RIMS1: variants seen among roughly 807,000 people sequenced by gnomAD.
RIMS1 encodes regulating synaptic membrane exocytosis protein 1.
Under a neutral mutation model 214.1 loss-of-function variants are expected in RIMS1, and 83 were observed. That is an observed-to-expected ratio of 0.39 (90% CI 0.32 to 0.47). The LOEUF is 0.47. Among genes scored for constraint, RIMS1 ranks in the 20% least tolerant of loss-of-function variants. RIMS1 has a pLI of 0.99. For synonymous variants in RIMS1, 793 were observed against 786.8 expected, an observed-to-expected ratio of 1.01 and a Z score of -0.13; for missense variants, 2,050 against 2,161.8, an observed-to-expected ratio of 0.95 and a Z score of 1.03.
intron 6 of RIMS1, among the ~76,000 whole-genome samples, chr6:72,214,924 T>C (rs1200654056): frequency 6.6e-6 from 1 of 152,188 alleles, no homozygotes; most frequent in African/African-American, 2.4e-5. Flanking sequence ...GGTTTCACCA[T>C]GTTGGCCAGG....
intron 29 of RIMS1, among the ~76,000 whole-genome samples, chr6:72,378,698 G>A (rs951311548): frequency 6.6e-6 from 1 of 152,154 alleles, no homozygotes; most frequent in African/African-American, 2.4e-5. Context: ...AATTAGCCAG[G>A]CGTGGTGGCA....
Position 72,250,369 on chromosome 6 carries a change from G to A in RIMS1, c.2281G>A (p.Val761Ile), listed in dbSNP as rs1299208863. 6.2e-7 allele frequency: 1 copy of A among 1,610,084 alleles called. No individual in the cohort carries two copies. The highest frequency in any genetic ancestry group is 2.2e-5 in the East Asian group (1 of 44,570). Residue 761 changes from valine to isoleucine, a missense_variant, in exon 13 of 34, where the codon GTA becomes ATA. Around this residue, in one of 6 missense-constraint regions of RIMS1, gnomAD observed 889 missense variants for 885.5 expected, o/e 1.00. Transcript: ENST00000521978. ...WYDKVGHQLI[V>I]NVLQATDLPA... Reference sequence around the variant, plus strand: ...TGATAAAGTGGGACACCAGCTGATTGTAAATGTTCTGCAAGCAACAGATCT... The same window carrying A: ...TGATAAAGTGGGACACCAGCTGATTATAAATGTTCTGCAAGCAACAGATCT...
intron 1 of RIMS1, among the ~76,000 whole-genome samples, chr6:71,952,087 C>T (rs1421000494): frequency 6.6e-6 from 1 of 152,094 alleles, no homozygotes; most frequent in Non-Finnish European, 1.5e-5. Context: ...CTGACCCTGA[C>T]TTACAATGTC....
In RIMS1 at chr6:72,027,942, G is replaced by A. The variant is rs564131516; in HGVS notation, c.245+58879G>A. Among the ~76,000 whole-genome samples, 20 of 152,080 alleles carry A rather than the reference G, an allele frequency of 1.3e-4. No individual in the cohort carries two copies. The South Asian group carries it at 2.1e-3, about 16-fold the overall frequency. ...GGCATTAAGTATATTGGAGACATCCGTTTTCATTTCCATGTATATTTGTTT... is the reference window on the plus strand; with the variant it reads ...GGCATTAAGTATATTGGAGACATCCATTTTCATTTCCATGTATATTTGTTT... On this transcript the variant is annotated intron_variant, in intron 2 of 33. Transcript: ENST00000521978.
At chr6:72,162,036 G>A (rs751472089) in intron 4 of RIMS1, among the ~76,000 whole-genome samples, 1 of 140,530 alleles carries the variant, frequency 7.1e-6, no homozygotes, top group African/African-American at 2.5e-5. Flanking sequence ...CTCTTTGTAG[G>A]TGTCTAAGGA....
chr6:72,154,671 T>A (rs1196046633), intron 4 of RIMS1, among the ~76,000 whole-genome samples: 1 of 140,304 alleles, frequency 7.1e-6, no homozygotes, highest in African/African-American at 2.5e-5. Flanking sequence ...CAGCACATCA[T>A]CAAAGCAAGA....
chr6:72,038,078 T>C (rs1378479440), intron 2 of RIMS1, among the ~76,000 whole-genome samples: 2 of 94,960 alleles, frequency 2.1e-5, no homozygotes, highest in Non-Finnish European at 4.0e-5. Context: ...AGTTCTCTGT[T>C]GAACAAACAA....
chr6:72,327,589 A>G (rs947119343), intron 28 of RIMS1, among the ~76,000 whole-genome samples: 7 of 151,790 alleles, frequency 4.6e-5, no homozygotes, highest in Admixed American at 4.0e-4. Context: ...TTAAAGTGCC[A>G]TCATATTTTC....
chr6:72,254,874 A>G (rs1381132546), intron 16 of RIMS1, among the ~76,000 whole-genome samples: 1 of 152,180 alleles, frequency 6.6e-6, no homozygotes, highest in Non-Finnish European at 1.5e-5. Context: ...GCAAACATGC[A>G]TAATCTCTGT....
chr6:72,267,435 A>G (rs1479835936), intron 22 of RIMS1, among the ~76,000 whole-genome samples: 1 of 152,188 alleles, frequency 6.6e-6, no homozygotes, highest in Non-Finnish European at 1.5e-5. Context: ...GCAAGCTGAT[A>G]CTTTAATATT....
chr6:72,297,092 A>G (rs1405600859), intron 26 of RIMS1, among the ~76,000 whole-genome samples: 2 of 151,984 alleles, frequency 1.3e-5, no homozygotes, highest in Non-Finnish European at 2.9e-5. Flanking sequence ...ATTTATATTC[A>G]GGCACTATAC....
Position 72,008,851 on chromosome 6 carries a change from T to G in RIMS1, c.245+39788T>G, listed in dbSNP as rs540397431. On this transcript the variant is annotated intron_variant, in intron 2 of 33. Transcript: ENST00000521978. ...AGTCCTTAGAGACCTACAAAGAGAC[T>G]TAGACTCCCACACAATAATAATGGG... 5.8e-4 allele frequency among the ~76,000 whole-genome samples: 89 copies of G among 152,228 alleles called. 4 individuals are homozygous for G. The East Asian group carries it at 0.016, about 28-fold the overall frequency.
intron 17 of RIMS1, 83 bp downstream of exon 17, chr6:72,258,364 T>G: frequency 7.6e-7 from 1 of 1,313,540 alleles, no homozygotes; most frequent in Non-Finnish European, 1.0e-6. Context: ...CTAACTGAAA[T>G]GAAAAAATAG....
rs145669262 is a variant in RIMS1, at chr6:72,014,762, G to C, written c.245+45699G>C. ...CCACATCCTTGCCTTGTCATTATCA[G>C]TGATCTTGATTTTAGCTATCTTAGT... is the stretch of plus-strand genomic sequence containing the variant. On this transcript the variant is annotated intron_variant, in intron 2 of 33. Coordinates refer to ENST00000521978, the MANE Select transcript of RIMS1 (RefSeq NM_014989.7). Among the ~76,000 whole-genome samples, 51 of 152,238 alleles carry C rather than the reference G, an allele frequency of 3.4e-4. No homozygotes were observed. The East Asian group carries it at 6.4e-3, about 19-fold the overall frequency.
At chr6:71,950,627 G>A (rs1561951199) in intron 1 of RIMS1, among the ~76,000 whole-genome samples, 1 of 152,146 alleles carries the variant, frequency 6.6e-6, no homozygotes, top group Non-Finnish European at 1.5e-5. Context: ...AAAGCTATTA[G>A]AATAATTTTG....
intron 1 of RIMS1, among the ~76,000 whole-genome samples, chr6:71,899,680 A>G (rs1406105685): frequency 6.6e-6 from 1 of 152,100 alleles, no homozygotes; most frequent in Non-Finnish European, 1.5e-5. Flanking sequence ...TTTTGCACCC[A>G]CAGCCCTTTC....
intron 19 of RIMS1, 121 bp downstream of exon 19, chr6:72,260,888 T>G: frequency 6.5e-7 from 1 of 1,528,088 alleles, no homozygotes; most frequent in Non-Finnish European, 8.8e-7. Context: ...CCCAAGTATT[T>G]GAAATTTGTT....
At chr6:72,105,760 T>G (rs1276185826) in intron 4 of RIMS1, among the ~76,000 whole-genome samples, 2 of 152,158 alleles carry the variant, frequency 1.3e-5, no homozygotes, top group Non-Finnish European at 2.9e-5. Flanking sequence ...TAAATAGAAT[T>G]CCCTCAGATT....
intron 4 of RIMS1, among the ~76,000 whole-genome samples, chr6:72,163,933 T>G (rs1166332335): frequency 6.6e-6 from 1 of 152,164 alleles, no homozygotes; most frequent in Non-Finnish European, 1.5e-5. Context: ...GACAGGGACA[T>G]TTAAGTCTCC....
Sources: gnomAD v4.1 joint callset for allele counts (sites outside exome capture counted in the v4.1 genomes callset) on GRCh38, gnomAD v4.1.1 for gene constraint, gnomAD v4.1.1 regional missense constraint, MANE v1.5 for transcripts, NCBI Gene and HGNC (gene_info 2026-07-23, HGNC 2026-07-21) for gene names.